ADAMTS17: variants seen among roughly 807,000 people sequenced by gnomAD.
ADAMTS17 encodes the protein A disintegrin and metalloproteinase with thrombospondin motifs 17.
A neutral mutation model predicts 141.5 loss-of-function variants in ADAMTS17; 113 were observed. The ratio of observed to expected loss-of-function variants is 0.80; its 90% CI spans 0.69 to 0.93. The LOEUF (loss-of-function observed/expected upper bound fraction) is 0.93. Among genes scored for constraint, ADAMTS17 ranks in the 40% least tolerant of loss-of-function variants. The pLI, the probability that ADAMTS17 is intolerant of heterozygous loss-of-function variation, is 0.00. For missense variants in ADAMTS17, 1,659 were observed against 1,517.9 expected, an observed-to-expected ratio of 1.09 and a Z score of -1.54; for synonymous variants, 768 against 630.6, an observed-to-expected ratio of 1.22 and a Z score of -3.27.
In ADAMTS17 at chr15:100,341,922, C is replaced by G; in HGVS notation, c.-23G>C. Reference sequence around the variant, plus strand: ...CATGGTACCCGGGACCGGCAGCCCCCCCGGACCGTGGCGGCGAAGCAGGAG... The same window carrying G: ...CATGGTACCCGGGACCGGCAGCCCCGCCGGACCGTGGCGGCGAAGCAGGAG... On this transcript the variant is annotated 5_prime_UTR_variant, in exon 1 of 22. Transcript: ENST00000268070. 6.5e-7 allele frequency: 1 copy of G among 1,548,848 alleles called. No homozygotes were observed. Among genetic ancestry groups the G allele is most frequent in the Non-Finnish European group, 8.7e-7 (1 of 1,146,300 alleles).
chr15:100,084,236 C>T (rs944552063), intron 15 of ADAMTS17, among the ~76,000 whole-genome samples: 1 of 152,200 alleles, frequency 6.6e-6, no homozygotes, highest in Admixed American at 6.5e-5. Flanking sequence ...CACAGAGCCT[C>T]GCTCATTGCT....
chr15:100,198,195 CAAAA>C, intron 8 of ADAMTS17, among the ~76,000 whole-genome samples: 1 of 152,108 alleles, frequency 6.6e-6, no homozygotes, highest in East Asian at 1.9e-4. Flanking sequence ...ACAGCAAAAA[CAAAA>C]CAAAAAGGTC....
intron 3 of ADAMTS17, among the ~76,000 whole-genome samples, chr15:100,284,061 C>T (rs886877630): frequency 2.6e-5 from 4 of 152,184 alleles, no homozygotes; most frequent in African/African-American, 9.7e-5. Flanking sequence ...GCCAAGATCA[C>T]ACCACTGCAA....
intron 10 of ADAMTS17, among the ~76,000 whole-genome samples, chr15:100,142,725 C>G (rs1454174835): frequency 6.6e-6 from 1 of 152,138 alleles, no homozygotes; most frequent in Non-Finnish European, 1.5e-5. Flanking sequence ...ACTGTGTGAT[C>G]TAGAAAGCAT....
chr15:100,108,787 T>C lies in ADAMTS17; in HGVS notation c.2016+202A>G, dbSNP rs7166912. On this transcript the variant is annotated intron_variant, in intron 14 of 21. Coordinates refer to ENST00000268070, the MANE Select transcript of ADAMTS17 (RefSeq NM_139057.4). ...CTGTTCTTTCCACCTCCACTCCTTGTTGGCCTAGCACTCAGTCATTACTGA... is the reference window on the plus strand; with the variant it reads ...CTGTTCTTTCCACCTCCACTCCTTGCTGGCCTAGCACTCAGTCATTACTGA... Among the ~76,000 whole-genome samples the C allele has an allele frequency of 0.25, 37,399 of 152,114 alleles. 5,088 individuals carry two copies. Among genetic ancestry groups the C allele is most frequent in the African/African-American group, 0.35 (14,668 of 41,458 alleles).
intron 15 of ADAMTS17, among the ~76,000 whole-genome samples, chr15:100,070,997 A>G (rs1307344111): frequency 6.7e-6 from 1 of 150,288 alleles, no homozygotes; most frequent in East Asian, 1.9e-4. Context: ...GACCACTAGC[A>G]AGACTAATAA....
intron 15 of ADAMTS17, among the ~76,000 whole-genome samples, chr15:100,068,747 T>C (rs976386301): frequency 6.6e-6 from 1 of 152,130 alleles, no homozygotes; most frequent in Non-Finnish European, 1.5e-5. Flanking sequence ...CAAAACCCCA[T>C]CTGTATGTCA....
chr15:100,230,076 G>A (rs2042429511), intron 7 of ADAMTS17, among the ~76,000 whole-genome samples: 1 of 152,198 alleles, frequency 6.6e-6, no homozygotes, highest in Admixed American at 6.5e-5. Context: ...TGGCCAAGCT[G>A]CACGAGCATA....
chr15:99,982,550 C>T (rs996988636), intron 20 of ADAMTS17, among the ~76,000 whole-genome samples: 15 of 152,318 alleles, frequency 9.8e-5, no homozygotes, highest in African/African-American at 3.1e-4. Context: ...AAGGCTTCAA[C>T]GTTAATTGAA....
chr15:100,313,713 C>T lies in ADAMTS17; in HGVS notation c.616+17176G>A, dbSNP rs539993678. ...AACATCACTGCTTTCTTGCTGGACA[C>T]GTACACCCCAAATGTCACCATGAAG... On this transcript the variant is annotated intron_variant, in intron 3 of 21. Transcript: ENST00000268070. Among the ~76,000 whole-genome samples, 87 of 152,304 alleles carry T rather than the reference C, an allele frequency of 5.7e-4. No homozygotes were observed. In the South Asian group the frequency reaches 5.8e-3, roughly 10 times the overall value.
chr15:100,331,685 T>C (rs988803452), intron 2 of ADAMTS17, among the ~76,000 whole-genome samples: 3 of 152,122 alleles, frequency 2.0e-5, no homozygotes, highest in African/African-American at 7.2e-5. Context: ...CCGAACTGCC[T>C]TTGATCGCAG....
At chr15:100,134,352 G>A (rs1443509578) in intron 10 of ADAMTS17, among the ~76,000 whole-genome samples, 2 of 152,186 alleles carry the variant, frequency 1.3e-5, no homozygotes, top group Non-Finnish European at 2.9e-5. Context: ...CCAAATCCTG[G>A]CCTCACAGTC....
At position 100,155,250 on chromosome 15, in the gene ADAMTS17, C is replaced by G; in HGVS notation, c.1252G>C (p.Val418Leu). The change falls in exon 9 of 22, where the codon GTG becomes CTG. Residue 418 changes from valine (V) to leucine (L), a missense_variant. Transcript: ENST00000268070. ...GRSHIMSGEW[V>L]KGRNPSDLSW... ...AGGTCACTTGGGTTCCGGCCTTTCA[C>G]CCACTCTCCTGACATGATGTGGGAC... 1 of 1,614,228 alleles carries G rather than the reference C, an allele frequency of 6.2e-7. No individual in the cohort carries two copies. Among genetic ancestry groups the G allele is most frequent in the South Asian group, 1.1e-5 (1 of 91,082 alleles).
chr15:100,304,061 A>G (rs1195425839), intron 3 of ADAMTS17, among the ~76,000 whole-genome samples: 1 of 152,088 alleles, frequency 6.6e-6, no homozygotes, highest in Non-Finnish European at 1.5e-5. Context: ...CCTATTCCCA[A>G]TCTCTTAATT....
At chr15:100,116,733 G>A in intron 13 of ADAMTS17, 114 bp downstream of exon 13, 9 of 1,432,124 alleles carry the variant, frequency 6.3e-6, no homozygotes, top group Non-Finnish European at 7.8e-6. Context: ...GAGGACTGGA[G>A]TGTCTTGCTG....
intron 4 of ADAMTS17, among the ~76,000 whole-genome samples, chr15:100,277,420 G>T (rs2044136206): frequency 6.6e-6 from 1 of 152,120 alleles, no homozygotes; most frequent in Non-Finnish European, 1.5e-5. Flanking sequence ...AGCCACCCCT[G>T]CCTGGATGAT....
At chr15:100,258,170 C>T (rs951005152) in intron 6 of ADAMTS17, among the ~76,000 whole-genome samples, 4 of 152,234 alleles carry the variant, frequency 2.6e-5, no homozygotes, top group African/African-American at 9.6e-5. Flanking sequence ...AATAATGTTG[C>T]TGTGAACATG....
chr15:100,127,405 G>T (rs1034651110), intron 12 of ADAMTS17, among the ~76,000 whole-genome samples: 3 of 152,114 alleles, frequency 2.0e-5, no homozygotes, highest in African/African-American at 7.2e-5. Flanking sequence ...GGAGGCCAAG[G>T]GTTGCCGGGA....
At chr15:100,167,510 C>G (rs1567293294) in intron 8 of ADAMTS17, among the ~76,000 whole-genome samples, 1 of 152,112 alleles carries the variant, frequency 6.6e-6, no homozygotes, top group African/African-American at 2.4e-5. Context: ...GAGTCAGAAC[C>G]AAAAGCTCTT....
Sources: gnomAD v4.1 joint callset for allele counts (sites outside exome capture counted in the v4.1 genomes callset) on GRCh38, gnomAD v4.1.1 for gene constraint, MANE v1.5 for transcripts, NCBI Gene and HGNC (gene_info 2026-07-23, HGNC 2026-07-21) for gene names.